The following RAC1 variants were observed in gnomAD, a reference collection of about 807,000 sequenced individuals.
The protein encoded by RAC1 is ras-related C3 botulinum toxin substrate 1.
RAC1 carries 2 observed loss-of-function variants against 25.2 expected under a neutral mutation model. The observed-to-expected ratio is 0.08, with a 90% CI of 0.03 to 0.25. The LOEUF (loss-of-function observed/expected upper bound fraction) is 0.25, where lower values mean the gene tolerates loss of function less well. Ranked by LOEUF, RAC1 falls within the 10% of genes least tolerant of loss-of-function variation. The probability of loss-of-function intolerance (pLI) is 1.00; values close to 1 mark genes in which losing one functional copy is unlikely to be tolerated. For synonymous variants in RAC1, 88 were observed against 94.0 expected, an observed-to-expected ratio of 0.94 and a Z score of 0.37; for missense variants, 50 against 235.7, an observed-to-expected ratio of 0.21 and a Z score of 5.16.
intron 2 of RAC1, 89 bp from the exon 3 acceptor site, chr7:6,391,835 C>T: frequency 6.3e-7 from 1 of 1,595,258 alleles, no homozygotes; most frequent in Non-Finnish European, 8.6e-7. Context: ...CCGTCCCCAG[C>T]CTTTTTCTTG....
chr7:6,379,244 C>A (rs910640123), intron 1 of RAC1, among the ~76,000 whole-genome samples: 2 of 149,750 alleles, frequency 1.3e-5, no homozygotes, highest in East Asian at 3.9e-4. Flanking sequence ...TGGAACTACA[C>A]GTGCCTGCTA....
rs574682890 is a variant in RAC1, at chr7:6,387,408, T to G, written c.107+125T>G. 1.8e-4 allele frequency: 128 copies of G among 703,358 alleles called. 3 individuals carry two copies. The highest frequency in any genetic ancestry group is 1.6e-3 in the South Asian group (87 of 55,388). The allele number at this position is 703,358 out of a possible 1,614,324, so 43.6% of individuals were successfully genotyped here. ...ACAGATACTAATTTTTTCTTAAACATTCACTGAAACCTAATTATAAGGTAT... is the reference window on the plus strand; with the variant it reads ...ACAGATACTAATTTTTTCTTAAACAGTCACTGAAACCTAATTATAAGGTAT... On this transcript the variant is annotated intron_variant, in intron 2 of 5. Transcript: ENST00000348035.
chr7:6,400,269 A>G (rs1783359636), intron 4 of RAC1, 81 bp downstream of exon 4: 1 of 1,330,308 alleles, frequency 7.5e-7, no homozygotes, highest in Non-Finnish European at 1.1e-6. Flanking sequence ...CACTTAGCCT[A>G]GGAATTTTTA....
In RAC1 at chr7:6,376,137, G is replaced by A. The variant is rs140413366; in HGVS notation, c.35+1367G>A. On this transcript the variant is annotated intron_variant, in intron 1 of 5. Transcript: ENST00000348035. Reference sequence around the variant, plus strand: ...ATGCCCATCTGTCGGATTTGTCTTGGAAGTGTGAAGGAGTATTAGAGTATG... The same window carrying A: ...ATGCCCATCTGTCGGATTTGTCTTGAAAGTGTGAAGGAGTATTAGAGTATG... Among the ~76,000 whole-genome samples, 330 of 148,346 alleles carry A rather than the reference G, an allele frequency of 2.2e-3. 14 individuals carry two copies. In the East Asian group the frequency reaches 0.054, roughly 24 times the overall value.
At chr7:6,395,541 G>A (rs554314850) in intron 3 of RAC1, among the ~76,000 whole-genome samples, 308 of 152,262 alleles carry the variant, frequency 2.0e-3, no homozygotes, top group Non-Finnish European at 3.9e-3. Context: ...GGTGATTTTT[G>A]TGGTTTGTAT....
At chr7:6,391,349 C>T (rs1389393014) in intron 2 of RAC1, 1 of 151,972 alleles carries the variant, frequency 6.6e-6, no homozygotes, top group African/African-American at 2.4e-5. Context: ...ATAGGCTTTG[C>T]TGGGTTATCT....
At chr7:6,381,877 C>G (rs1285744627) in intron 1 of RAC1, among the ~76,000 whole-genome samples, 2 of 152,180 alleles carry the variant, frequency 1.3e-5, no homozygotes, top group East Asian at 3.8e-4. Flanking sequence ...AATCCCCATA[C>G]CTTGTTTGTC....
rs572296301 is a variant in RAC1, at chr7:6,375,107, C to A, written c.35+337C>A. ...AGCAAGCGCTCTTGGAGATTTTGAC[C>A]ATTTTTCCAAAAAGGGACCCTTTAT... is the stretch of plus-strand genomic sequence containing the variant. On this transcript the variant is annotated intron_variant, in intron 1 of 5. Transcript: ENST00000348035. Among the ~76,000 whole-genome samples the A allele has an allele frequency of 4.0e-3, 605 of 151,076 alleles. 2 individuals carry two copies. Among genetic ancestry groups the A allele is most frequent in the Middle Eastern group, 0.02 (6 of 294 alleles).
At chr7:6,378,527 C>A (rs1782669894) in intron 1 of RAC1, among the ~76,000 whole-genome samples, 1 of 151,356 alleles carries the variant, frequency 6.6e-6, no homozygotes, top group South Asian at 2.1e-4. Flanking sequence ...GCCTGGGCGA[C>A]AAGAGCAAGG....
intron 2 of RAC1, among the ~76,000 whole-genome samples, chr7:6,391,247 C>T (rs1474602097): frequency 1.3e-5 from 2 of 151,200 alleles, no homozygotes; most frequent in South Asian, 2.1e-4. Context: ...TTTTGCCTTC[C>T]TGTGCAGAGG....
intron 2 of RAC1, among the ~76,000 whole-genome samples, chr7:6,390,965 T>A (rs2115199644): frequency 6.6e-6 from 1 of 152,292 alleles, no homozygotes; most frequent in South Asian, 2.1e-4. Context: ...TGGCGCAACT[T>A]GGCCCACTGC....
chr7:6,397,495 A>G (rs1392928945), intron 3 of RAC1, among the ~76,000 whole-genome samples: 1 of 151,910 alleles, frequency 6.6e-6, no homozygotes, highest in African/African-American at 2.4e-5. Context: ...GGGTTTCACC[A>G]TCTTGGCCAG....
chr7:6,382,959 G>C (rs563700172), intron 1 of RAC1, among the ~76,000 whole-genome samples: 3 of 152,314 alleles, frequency 2.0e-5, no homozygotes, highest in South Asian at 4.1e-4. Context: ...GGACAGGGCA[G>C]GGGAAGCACA....
In RAC1 at chr7:6,403,157, AAGAC is replaced by A. The variant is rs1426158556; in HGVS notation, c.*714_*717del. The A allele has an allele frequency of 1.4e-5, 3 of 218,780 alleles. No homozygotes were observed. Among genetic ancestry groups the A allele is most frequent in the Non-Finnish European group, 2.8e-5 (3 of 108,816 alleles). The allele number at this position is 218,780 out of a possible 1,614,324, so 13.6% of individuals were successfully genotyped here. On this transcript the variant is annotated 3_prime_UTR_variant, in exon 6 of 6. Transcript: ENST00000348035. ...GTGGGGTGTGTGTGATCAAAGGACAAAGACAGTATTTTGACAAAATACGAAGTGG... is the reference window on the plus strand; with the variant it reads ...GTGGGGTGTGTGTGATCAAAGGACAAAGTATTTTGACAAAATACGAAGTGG...
chr7:6,390,364 A>G (rs1229928911), intron 2 of RAC1, among the ~76,000 whole-genome samples: 5 of 151,838 alleles, frequency 3.3e-5, no homozygotes, highest in African/African-American at 9.7e-5. Context: ...CACTTTGGGA[A>G]GCTGAGGTGG....
intron 1 of RAC1, among the ~76,000 whole-genome samples, chr7:6,384,680 AG>A (rs1471533986): frequency 6.6e-6 from 1 of 152,124 alleles, no homozygotes; most frequent in Non-Finnish European, 1.5e-5. Context: ...TATGTTGCCC[AG>A]GCTGGTCTTG....
At chr7:6,401,598 T>TC (rs75321721) in intron 4 of RAC1, 48,273 of 259,850 alleles carry the variant, frequency 0.19, 5,147 homozygotes, top group Non-Finnish European at 0.23. Context: ...TCTCTTCCCT[T>TC]CCCCCCTTCC....
At chr7:6,380,770 C>G (rs1782741197) in intron 1 of RAC1, among the ~76,000 whole-genome samples, 1 of 152,184 alleles carries the variant, frequency 6.6e-6, no homozygotes, top group African/African-American at 2.4e-5. Flanking sequence ...TTTTGCTCTA[C>G]TTGTTCATTT....
intron 1 of RAC1, among the ~76,000 whole-genome samples, chr7:6,380,094 G>A (rs1782722569): frequency 6.6e-6 from 1 of 152,172 alleles, no homozygotes; most frequent in Non-Finnish European, 1.5e-5. Flanking sequence ...AGCTGAATGT[G>A]AAAAATGCCT....
Sources: gnomAD v4.1 joint callset for allele counts (sites outside exome capture counted in the v4.1 genomes callset) on GRCh38, gnomAD v4.1.1 for gene constraint, MANE v1.5 for transcripts, NCBI Gene and HGNC (gene_info 2026-07-23, HGNC 2026-07-21) for gene names.